Variants in ZNF839 observed in about 807,000 individuals in gnomAD.
The protein encoded by ZNF839 is renal carcinoma antigen NY-REN-50.
Under a neutral mutation model 56.4 loss-of-function variants are expected in ZNF839, and 38 were observed. That is an observed-to-expected ratio of 0.67 (90% CI 0.52 to 0.88). The LOEUF (loss-of-function observed/expected upper bound fraction) is 0.88. ZNF839 is among the 40% of genes least tolerant of loss of function. The pLI is 0.00. For synonymous variants in ZNF839, 486 were observed against 493.5 expected (o/e 0.98, Z 0.20); for missense variants, 1,091 against 1,177.6 (o/e 0.93, Z 1.08).
Position 102,341,518 on chromosome 14 carries a change from A to G in ZNF839, c.2123A>G (p.Gln708Arg). The G allele has an allele frequency of 6.2e-7, 1 of 1,605,336 alleles. No individual in the cohort carries two copies. The highest frequency in any genetic ancestry group is 8.5e-7 in the Non-Finnish European group (1 of 1,174,738). Residue 708 changes from glutamine to arginine, a missense_variant, in exon 8 of 8, where the codon CAG (glutamine) becomes CGG (arginine). Gln to Arg is a conservative substitution (Grantham distance 43). Around this residue, in one of 3 missense-constraint regions of ZNF839, gnomAD observed 431 missense variants for 468.0 expected, o/e 0.92. Transcript: ENST00000442396. The part of the protein sequence containing the change: ...RDVSGLPVYA[Q>R]SGEPRRLTQA... ...GTCAGTGGGCTGCCTGTTTATGCTC[A>G]GTCAGGAGAGCCTAGGAGGCTGACC... is the stretch of plus-strand genomic sequence containing the variant.
Position 102,341,556 on chromosome 14 carries a change from G to T in ZNF839, c.2161G>T (p.Ala721Ser). ...TAGGAGGCTGACCCAGGCACAGGTG[G>T]CAGCGTTTCCTGGAGAGAATGCTTT... ...EPRRLTQAQV[A>S]AFPGENALEH... The change falls in exon 8 of 8, where the codon GCA becomes TCA. Residue 721 changes from alanine (A) to serine (S), a missense_variant. This residue lies in a region of ZNF839 where 431 missense variants were observed against 468.0 expected (regional missense o/e 0.92). Transcript: ENST00000442396. 6.2e-7 allele frequency: 1 copy of T among 1,612,746 alleles called. No homozygotes were observed. The highest frequency in any genetic ancestry group is 8.5e-7 in the Non-Finnish European group (1 of 1,179,278).
chr14:102,320,821 G>C (rs1227371125), intron 1 of ZNF839, among the ~76,000 whole-genome samples: 2 of 152,110 alleles, frequency 1.3e-5, no homozygotes, highest in Non-Finnish European at 2.9e-5. Flanking sequence ...GAAGACGGTC[G>C]CCCAACTCCG....
In ZNF839 at chr14:102,335,774, G is replaced by A; in HGVS notation, c.1595G>A (p.Cys532Tyr). ...TTGCATAAAATGGTTAAGAAAATGT[G>A]CCAAGATTACCTCAGTAGTTCTGGT... ...EELHKMVKKM[C>Y]QDYLSSSGLC... Residue 532 changes from cysteine to tyrosine, a missense_variant, in exon 5 of 8, where the codon TGC becomes TAC. Physicochemically the swap from Cys to Tyr is radical, Grantham distance 194. This residue lies in a region of ZNF839 where 46 missense variants were observed against 80.4 expected (regional missense o/e 0.57). Coordinates refer to ENST00000442396, the MANE Select transcript of ZNF839 (RefSeq NM_018335.6). 2 of 1,606,282 alleles carry A rather than the reference G, an allele frequency of 1.2e-6. No individual in the cohort carries two copies. The highest frequency in any genetic ancestry group is 1.7e-6 in the Non-Finnish European group (2 of 1,179,826).
In ZNF839 at chr14:102,331,881, T is replaced by G. The variant is rs1054809839; in HGVS notation, c.1416+35T>G. 3 of 1,503,786 alleles carry G rather than the reference T, an allele frequency of 2.0e-6. No homozygotes were observed. In the African/African-American group the frequency reaches 4.2e-5, roughly 21 times the overall value. 93.2% of individuals were successfully genotyped at this position (1,503,786 alleles called of 1,614,324 possible). A position where few individuals can be genotyped will look rare whatever the true frequency, so the allele number is the denominator to read the frequency against. The stretch of plus-strand genomic sequence containing the variant: ...TCTTAAACCCTGTGCTTGAAACCCG[T>G]GTCTTTAGCATGGATGTGGCAATCA... On this transcript the variant is annotated intron_variant, in intron 3 of 7. Transcript: ENST00000442396.
At chr14:102,321,290 T>C (rs1448198452) in intron 1 of ZNF839, among the ~76,000 whole-genome samples, 2 of 152,244 alleles carry the variant, frequency 1.3e-5, no homozygotes, top group Non-Finnish European at 2.9e-5. Context: ...TGTACCGGCA[T>C]TTTGCAGGTG....
At position 102,329,438 on chromosome 14, in the gene ZNF839, G is replaced by A. The variant is rs193182588; in HGVS notation, c.1192-2184G>A. The stretch of plus-strand genomic sequence containing the variant: ...CTGACTCTGTTGCCCAGGCTGGAGT[G>A]CAGTGGTGTGATCTCAGCTCACTGC... On this transcript the variant is annotated intron_variant, in intron 2 of 7. Transcript: ENST00000442396. Among the ~76,000 whole-genome samples the A allele has an allele frequency of 1.5e-4, 23 of 152,138 alleles. 1 individual carries two copies. The East Asian group carries it at 4.4e-3, about 29-fold the overall frequency.
chr14:102,317,897 C>T (rs138988326), upstream of ZNF839, among the ~76,000 whole-genome samples: 348 of 152,286 alleles, frequency 2.3e-3, 1 homozygote, highest in Middle Eastern at 0.01. Context: ...CTAGGGTGGT[C>T]AGGTGTGCTC....
Position 102,342,122 on chromosome 14 carries a change from G to A in ZNF839, c.2727G>A (p.Glu909=). 6.2e-7 allele frequency: 1 copy of A among 1,613,946 alleles called. No individual in the cohort carries two copies. Among genetic ancestry groups the A allele is most frequent in the Non-Finnish European group, 8.5e-7 (1 of 1,179,896 alleles). Residue 909 remains glutamate (E), a synonymous_variant, in exon 8 of 8, where the codon GAG becomes GAA. Coordinates refer to ENST00000442396, the MANE Select transcript of ZNF839 (RefSeq NM_018335.6). ...LSPPGTIVSQ[E]EDIVTVTDAE... is the part of the protein sequence containing the mutation. Reference sequence around the variant, plus strand: ...CTCCAGGTACAATAGTGTCTCAGGAGGAGGACATTGTCACAGTGACTGATG... The same window carrying A: ...CTCCAGGTACAATAGTGTCTCAGGAAGAGGACATTGTCACAGTGACTGATG...
In ZNF839 at chr14:102,334,609, C is replaced by A; in HGVS notation, c.1472C>A (p.Ala491Asp). The change falls in exon 4 of 8, where the codon GCT (alanine) becomes GAT (aspartate). Residue 491 changes from alanine (A) to aspartate (D), a missense_variant. Transcript: ENST00000442396. ...DLVELALPQLAQVVTVYEFLL... is the reference protein window; with the variant it reads ...DLVELALPQLDQVVTVYEFLL... ...GTGGAATTGGCTCTGCCTCAGCTGG[C>A]TCAGGTTGTGACCGTGTATGAGTTT... 6.2e-7 allele frequency: 1 copy of A among 1,612,862 alleles called. No homozygotes were observed. Among genetic ancestry groups the A allele is most frequent in the South Asian group, 1.1e-5 (1 of 90,682 alleles).
upstream of ZNF839, chr14:102,319,735 G>T (rs1211432101): frequency 4.9e-6 from 6 of 1,227,308 alleles, no homozygotes; most frequent in South Asian, 4.1e-5. This position sits in a 1 kb window ranked among gnomAD's most constrained non-coding sequence, Gnocchi z 4.5. Context: ...GTCGCTCAGC[G>T]ACCCGGGTTC....
rs534086658 is a variant in ZNF839, at chr14:102,326,107, T to C, written c.411T>C (p.Asn137=). 7.4e-6 allele frequency: 12 copies of C among 1,613,922 alleles called. No homozygotes were observed. In the African/African-American group the frequency reaches 1.1e-4, roughly 14 times the overall value. The change falls in exon 2 of 8, where the codon AAT becomes AAC. Residue 137 remains asparagine, a synonymous_variant. Transcript: ENST00000442396. The surrounding 1 kb of genome is among the most constrained non-coding windows in gnomAD (Gnocchi z 4.3). The stretch of plus-strand genomic sequence containing the variant: ...GAAAGAGCCAGCTGCCCCGGGGGAA[T>C]TCCTGCCTGGTGGGGCTCCATATCG... The part of the protein sequence containing the change: ...TARKSQLPRG[N]SCLVGLHIAS...
Position 102,319,794 on chromosome 14 carries a change from G to T in ZNF839, c.29G>T (p.Gly10Val). 1 of 1,232,534 alleles carries T rather than the reference G, an allele frequency of 8.1e-7. No homozygotes were observed. The highest frequency in any genetic ancestry group is 1.0e-6 in the Non-Finnish European group (1 of 988,434). 76.3% of individuals were successfully genotyped at this position (1,232,534 alleles called of 1,614,324 possible). Residue 10 changes from glycine (G) to valine (V), a missense_variant, in exon 1 of 8, where the codon GGC (glycine) becomes GTC (valine). Gly to Val is a moderately radical substitution (Grantham distance 109). Transcript: ENST00000442396. The surrounding 1 kb of genome is among the most constrained non-coding windows in gnomAD (Gnocchi z 4.5). ...GCGGATGCGGAGCCGGAGGCTGGGG[G>T]CGGCAGCGAGGATGGCGGCGGCGGC... MADAEPEAG[G>V]GSEDGGGGGG...
At position 102,325,974 on chromosome 14, in the gene ZNF839, C is replaced by A; in HGVS notation, c.289-11C>A. On this transcript the variant is annotated splice_polypyrimidine_tract_variant and intron_variant, in intron 1 of 7. Coordinates refer to ENST00000442396, the MANE Select transcript of ZNF839 (RefSeq NM_018335.6). ...TGCTTCTTTTCTCTTTCTTGTCTTT[C>A]TGTACGTAAGCAACTAGAAGCCATT... is the stretch of plus-strand genomic sequence containing the variant. 1 of 1,609,624 alleles carries A rather than the reference C, an allele frequency of 6.2e-7. No individual in the cohort carries two copies. Among genetic ancestry groups the A allele is most frequent in the South Asian group, 1.1e-5 (1 of 90,302 alleles).
chr14:102,320,239 G>A (rs1161682882), intron 1 of ZNF839, among the ~76,000 whole-genome samples, 186 bp downstream of exon 1: 2 of 152,178 alleles, frequency 1.3e-5, no homozygotes, highest in African/African-American at 4.8e-5. Flanking sequence ...TTCACCCCAG[G>A]AGCCTCACTC....
intron 3 of ZNF839, 55 bp downstream of exon 3, chr14:102,331,901 C>T: frequency 2.9e-6 from 4 of 1,398,796 alleles, no homozygotes; most frequent in East Asian, 2.5e-5. Flanking sequence ...ATGGATGTGG[C>T]AATCACTATC....
At chr14:102,327,462 A>C (rs1376805015) in intron 2 of ZNF839, among the ~76,000 whole-genome samples, 1 of 152,112 alleles carries the variant, frequency 6.6e-6, no homozygotes, top group African/African-American at 2.4e-5. Flanking sequence ...TTAAACAACC[A>C]GATATCATGA....
At chr14:102,317,582 T>C (rs1241565528), upstream of ZNF839, 1 of 151,840 alleles carries the variant, frequency 6.6e-6, no homozygotes, top group African/African-American at 2.4e-5. Flanking sequence ...GAGGTGAAAA[T>C]CCAGGTCTGG....
chr14:102,330,621 A>G (rs2073730065), intron 2 of ZNF839, among the ~76,000 whole-genome samples: 1 of 139,630 alleles, frequency 7.2e-6, no homozygotes, highest in South Asian at 2.3e-4. Context: ...TGCAACCTCC[A>G]CCTCCTGGGT....
intron 7 of ZNF839, 159 bp from the exon 8 acceptor site, chr14:102,341,164 T>C (rs1430577281): frequency 2.7e-6 from 2 of 734,138 alleles, no homozygotes; most frequent in African/African-American, 3.6e-5. Context: ...TAGGGACGTA[T>C]TTTTTAAAAT....
Sources: allele counts gnomAD v4.1 joint callset (sites outside exome capture counted in the v4.1 genomes callset), GRCh38; gene constraint gnomAD v4.1.1; regional missense constraint gnomAD v4.1.1; non-coding constraint Gnocchi (gnomAD v3.1); transcripts MANE v1.5; gene names NCBI Gene and HGNC (gene_info 2026-07-23, HGNC 2026-07-21).